The following COMMD2 variants were observed in gnomAD, a reference collection of about 807,000 sequenced individuals.
The protein encoded by COMMD2 is COMM domain-containing protein 2.
In COMMD2, 25 loss-of-function variants were observed where a neutral mutation model predicts 22.5. The observed-to-expected ratio is 1.11, with a 90% CI of 0.81 to 1.55. The LOEUF (loss-of-function observed/expected upper bound fraction) is 1.55. Ranked by LOEUF, COMMD2 falls within the 40% of genes most tolerant of loss-of-function variation. COMMD2 has a pLI of 0.00. For missense variants in COMMD2, 223 were observed against 232.9 expected, an observed-to-expected ratio of 0.96 and a Z score of 0.28; for synonymous variants, 98 against 91.2, an observed-to-expected ratio of 1.07 and a Z score of -0.42.
At chr3:149,750,089 T>G (rs562287360) in intron 4 of COMMD2, among the ~76,000 whole-genome samples, 4 of 152,356 alleles carry the variant, frequency 2.6e-5, no homozygotes, top group African/African-American at 9.6e-5. Flanking sequence ...ATGGTCTGAA[T>G]ACACCCTTTC....
At position 149,743,649 on chromosome 3, in the gene COMMD2, G is replaced by T. The variant is rs56878980; in HGVS notation, c.403-1931C>A. 6.1e-3 allele frequency among the ~76,000 whole-genome samples: 927 copies of T among 152,234 alleles called. 13 individuals carry two copies. Among genetic ancestry groups the T allele is most frequent in the African/African-American group, 0.021 (887 of 41,522 alleles). On this transcript the variant is annotated intron_variant, in intron 4 of 4. Transcript: ENST00000473414. ...ATAAGTCAATCCCTTTGGGTGAGCT[G>T]GTCCCCAAACATAAAATAGGTACTT...
intron 4 of COMMD2, among the ~76,000 whole-genome samples, chr3:149,749,804 GTTGTTT>G (rs1385779210): frequency 1.3e-5 from 2 of 152,022 alleles, no homozygotes; most frequent in East Asian, 3.9e-4. Flanking sequence ...TGTTGTTGTT[GTTGTTT>G]TTGTTTTAAA....
At chr3:149,746,498 A>G (rs1165662785) in intron 4 of COMMD2, among the ~76,000 whole-genome samples, 1 of 152,162 alleles carries the variant, frequency 6.6e-6, no homozygotes, top group Non-Finnish European at 1.5e-5. Context: ...AAGGCCGGGT[A>G]CGGTGGCTTA....
rs1716168902 is a variant in COMMD2, at chr3:149,740,014, A to G, written c.*1507T>C. On this transcript the variant is annotated 3_prime_UTR_variant, in exon 5 of 5. Coordinates refer to ENST00000473414, the MANE Select transcript of COMMD2 (RefSeq NM_016094.4). ...GTATCACTCTGATATGAAAATCCCT[A>G]ATTCTTACGAAGCAAAGTATTGACA... The G allele has an allele frequency of 6.6e-6, 1 of 152,186 alleles. No individual in the cohort carries two copies. Among genetic ancestry groups the G allele is most frequent in the Non-Finnish European group, 1.5e-5 (1 of 68,020 alleles). The allele number at this position is 152,186 out of a possible 1,614,324, so 9.4% of individuals were successfully genotyped here. A position where few individuals can be genotyped will look rare whatever the true frequency, so the allele number is the denominator to read the frequency against.
chr3:149,750,353 C>A, intron 4 of COMMD2: 2 of 444,682 alleles, frequency 4.5e-6, no homozygotes, highest in Non-Finnish European at 9.0e-6. Flanking sequence ...ATTCATTGAG[C>A]GGTACATTGA....
chr3:149,751,889 T>C, intron 2 of COMMD2: 1 of 306,654 alleles, frequency 3.3e-6, no homozygotes, highest in Non-Finnish European at 5.9e-6. Flanking sequence ...GATAACCAAA[T>C]ACTTGCAATT....
chr3:149,741,562 T>C lies in COMMD2; in HGVS notation c.559A>G (p.Lys187Glu). The C allele has an allele frequency of 6.2e-7, 1 of 1,614,148 alleles. No individual in the cohort carries two copies. The highest frequency in any genetic ancestry group is 2.2e-5 in the East Asian group (1 of 44,876). Residue 187 changes from lysine (K) to glutamate (E), a missense_variant, in exon 5 of 5, where the codon AAG (lysine) becomes GAG (glutamate). Physicochemically the swap from Lys to Glu is moderately conservative, Grantham distance 56 (BLOSUM62 1). Transcript: ENST00000473414. ...QQLEQALEEM[K>E]TNHCRRVVRN... ...ACAACTCTCCTACAGTGATTTGTCT[T>C]CATCTCTTCCAATGCTTGTTCCAGT...
chr3:149,750,954 G>A (rs2108253398), intron 3 of COMMD2, 103 bp from the exon 4 acceptor site: 1 of 771,636 alleles, frequency 1.3e-6, no homozygotes, highest in Admixed American at 3.5e-5. Context: ...ATTCTGTCTA[G>A]TAAAAGAAAC....
intron 4 of COMMD2, among the ~76,000 whole-genome samples, chr3:149,745,198 G>T (rs2108250107): frequency 6.6e-6 from 1 of 152,284 alleles, no homozygotes; most frequent in South Asian, 2.1e-4. Context: ...TTTCCCCAAT[G>T]AACCCTACAA....
rs375931189 is a variant in COMMD2, at chr3:149,750,176, A to C, written c.402+502T>G. ...TGTGAGAGAAGCCAGGTACAAAAGAATATTTACTGAGTCATTCCATATATA... is the reference window on the plus strand; with the variant it reads ...TGTGAGAGAAGCCAGGTACAAAAGACTATTTACTGAGTCATTCCATATATA... On this transcript the variant is annotated intron_variant, in intron 4 of 4. Coordinates refer to ENST00000473414, the MANE Select transcript of COMMD2 (RefSeq NM_016094.4). The C allele has an allele frequency of 2.9e-5, 5 of 173,618 alleles. No homozygotes were observed. In the East Asian group the frequency reaches 4.8e-4, roughly 17 times the overall value. 10.8% of individuals were successfully genotyped at this position (173,618 alleles called of 1,614,324 possible).
chr3:149,743,445 G>A (rs532990853), intron 4 of COMMD2, among the ~76,000 whole-genome samples: 1 of 152,274 alleles, frequency 6.6e-6, no homozygotes, highest in East Asian at 1.9e-4. Flanking sequence ...CCAACTTGAA[G>A]GGATTTTCAA....
intron 4 of COMMD2, among the ~76,000 whole-genome samples, chr3:149,744,928 G>C (rs1345289707): frequency 1.3e-5 from 2 of 152,086 alleles, no homozygotes; most frequent in East Asian, 1.9e-4. Flanking sequence ...ATGAGCCCTC[G>C]AGTTTAATTT....
intron 4 of COMMD2, among the ~76,000 whole-genome samples, chr3:149,749,054 G>T (rs1716452256): frequency 1.4e-5 from 2 of 145,830 alleles, no homozygotes; most frequent in Admixed American, 6.9e-5. Context: ...TCCCTCTGTT[G>T]CCCAGGCTGG....
rs1182162711 is a variant in COMMD2 at position 149,739,908 on chromosome 3, G to T, written c.*1613C>A. On this transcript the variant is annotated 3_prime_UTR_variant, in exon 5 of 5. Coordinates refer to ENST00000473414, the MANE Select transcript of COMMD2 (RefSeq NM_016094.4). Reference sequence around the variant, plus strand: ...GGCCCAGATGCCTGCAGGGACCAATGGGTAACCATCTCAAGTATGTTTTTC... The same window carrying T: ...GGCCCAGATGCCTGCAGGGACCAATTGGTAACCATCTCAAGTATGTTTTTC... The T allele has an allele frequency of 2.0e-5, 3 of 152,132 alleles. No homozygotes were observed. Among genetic ancestry groups the T allele is most frequent in the Admixed American group, 1.3e-4 (2 of 15,268 alleles). 9.4% of individuals were successfully genotyped at this position (152,132 alleles called of 1,614,324 possible). A position where few individuals can be genotyped will look rare whatever the true frequency, so the allele number is the denominator to read the frequency against.
intron 4 of COMMD2, among the ~76,000 whole-genome samples, chr3:149,749,019 T>TC (rs1491347406): frequency 1.4e-5 from 2 of 140,348 alleles, no homozygotes; most frequent in East Asian, 4.0e-4. Flanking sequence ...TCTCTCTCTC[T>TC]TTTTTTTTTT....
rs1716125262 is a variant in COMMD2, at chr3:149,738,683, A to G, written c.*2838T>C. The G allele has an allele frequency of 6.6e-6, 1 of 152,020 alleles. No individual in the cohort carries two copies. 9.4% of individuals were successfully genotyped at this position (152,020 alleles called of 1,614,324 possible). On this transcript the variant is annotated 3_prime_UTR_variant, in exon 5 of 5. Coordinates refer to ENST00000473414, the MANE Select transcript of COMMD2 (RefSeq NM_016094.4). ...ACCTAAATTCAAATCCTTTTGTCCAACTCCGAAGACTTATCTCTTAACCAC... is the reference window on the plus strand; with the variant it reads ...ACCTAAATTCAAATCCTTTTGTCCAGCTCCGAAGACTTATCTCTTAACCAC...
At position 149,738,492 on chromosome 3, in the gene COMMD2, T is replaced by TA. The variant is rs1301541651; in HGVS notation, c.*3028_*3029insT. On this transcript the variant is annotated 3_prime_UTR_variant, in exon 5 of 5. Transcript: ENST00000473414. ...AAAACTATTTCAATAATGGTAAACA[T>TA]TTATTGAGTTCTTTGTAAAGCCTGG... 6.6e-6 allele frequency: 1 copy of TA among 152,034 alleles called. No homozygotes were observed. The highest frequency in any genetic ancestry group is 1.5e-5 in the Non-Finnish European group (1 of 67,942). The allele number at this position is 152,034 out of a possible 1,614,324, so 9.4% of individuals were successfully genotyped here.
rs540453337 is a variant in COMMD2 at position 149,738,516 on chromosome 3, G to A, written c.*3005C>T. The A allele has an allele frequency of 6.6e-6, 1 of 151,976 alleles. No individual in the cohort carries two copies. Among genetic ancestry groups the A allele is most frequent in the East Asian group, 1.9e-4 (1 of 5,172 alleles). The allele number at this position is 151,976 out of a possible 1,614,324, so 9.4% of individuals were successfully genotyped here. ...ATTTATTGAGTTCTTTGTAAAGCCT[G>A]GTACTATGTTAAACATTCTATATAC... On this transcript the variant is annotated 3_prime_UTR_variant, in exon 5 of 5. Coordinates refer to ENST00000473414, the MANE Select transcript of COMMD2 (RefSeq NM_016094.4).
chr3:149,741,765 G>A (rs1716236057), intron 4 of COMMD2, 47 bp from the exon 5 acceptor site: 1 of 1,326,976 alleles, frequency 7.5e-7, no homozygotes, highest in South Asian at 1.2e-5. Context: ...TAATAACCAT[G>A]CTGAATACAT....
Sources: gnomAD v4.1 joint callset for allele counts (sites outside exome capture counted in the v4.1 genomes callset) on GRCh38, gnomAD v4.1.1 for gene constraint, MANE v1.5 for transcripts, NCBI Gene and HGNC (gene_info 2026-07-23, HGNC 2026-07-21) for gene names.